FMN2: variants seen among roughly 807,000 people sequenced by gnomAD.
FMN2 encodes formin-2.
In FMN2, 51 loss-of-function variants were observed where a neutral mutation model predicts 142.3. The ratio of observed to expected loss-of-function variants is 0.36; its 90% confidence interval spans 0.29 to 0.45. The LOEUF is 0.45. Ranked by LOEUF, FMN2 falls within the 20% of genes least tolerant of loss-of-function variation. The pLI is 1.00. For missense variants in FMN2, 1,936 were observed against 2,122.8 expected (o/e 0.91, Z 1.73); for synonymous variants, 882 against 869.8 (o/e 1.01, Z -0.25).
chr1:240,095,207 TTATC>T (rs1318889848), intron 1 of FMN2, among the ~76,000 whole-genome samples: 6 of 152,182 alleles, frequency 3.9e-5, no homozygotes, highest in South Asian at 2.1e-4. Flanking sequence ...TATTTTCTCT[TTATC>T]TAAGTGACAT....
chr1:240,304,312 C>T (rs542682271), intron 8 of FMN2, among the ~76,000 whole-genome samples: 8 of 152,100 alleles, frequency 5.3e-5, no homozygotes, highest in South Asian at 2.1e-4. Flanking sequence ...TCACATTCTC[C>T]CTCTTCCCAA....
At chr1:240,223,682 G>T (rs374357368) in intron 6 of FMN2, among the ~76,000 whole-genome samples, 1 of 152,088 alleles carries the variant, frequency 6.6e-6, no homozygotes, top group Non-Finnish European at 1.5e-5. Context: ...GGTTTATTCA[G>T]GGATATGACT....
intron 14 of FMN2, among the ~76,000 whole-genome samples, chr1:240,382,181 A>G (rs1487326307): frequency 6.6e-6 from 1 of 152,224 alleles, no homozygotes; most frequent in Non-Finnish European, 1.5e-5. Flanking sequence ...TACACGATTA[A>G]CATTCAAACT....
chr1:240,437,600 C>G (rs1249556715), intron 15 of FMN2, among the ~76,000 whole-genome samples: 1 of 152,160 alleles, frequency 6.6e-6, no homozygotes, highest in Non-Finnish European at 1.5e-5. Context: ...CCGCGCCGGG[C>G]TGGGACTCTT....
At chr1:240,460,245 T>G (rs1250773978) in intron 16 of FMN2, among the ~76,000 whole-genome samples, 1 of 152,254 alleles carries the variant, frequency 6.6e-6, no homozygotes, top group Non-Finnish European at 1.5e-5. Context: ...ACTTCTCTAG[T>G]TCTCTTTTAA....
At chr1:240,215,224 G>T (rs981430383) in intron 6 of FMN2, among the ~76,000 whole-genome samples, 40 of 152,172 alleles carry the variant, frequency 2.6e-4, no homozygotes, top group Non-Finnish European at 4.1e-4. Context: ...AGTAGTAATA[G>T]TAGTAATTAT....
At chr1:240,171,407 T>G in intron 2 of FMN2, 1 of 500,248 alleles carries the variant, frequency 2.0e-6, no homozygotes, top group Non-Finnish European at 3.7e-6. Flanking sequence ...TGGTGTGATG[T>G]GCGTCATTCA....
At chr1:240,285,753 A>G (rs1669568246) in intron 7 of FMN2, among the ~76,000 whole-genome samples, 1 of 152,188 alleles carries the variant, frequency 6.6e-6, no homozygotes, top group Admixed American at 6.5e-5. Flanking sequence ...TGGATTTCAC[A>G]AGATCTAAAA....
At chr1:240,117,955 AAGGGTATT>A (rs1373025529) in intron 1 of FMN2, among the ~76,000 whole-genome samples, 2 of 152,160 alleles carry the variant, frequency 1.3e-5, no homozygotes, top group African/African-American at 2.4e-5. Context: ...CTCCTTCAGA[AAGGGTATT>A]AGGAAGTTCT....
intron 7 of FMN2, among the ~76,000 whole-genome samples, chr1:240,276,620 G>GGT (rs1440887132): frequency 6.6e-6 from 1 of 151,972 alleles, no homozygotes; most frequent in African/African-American, 2.4e-5. Context: ...TATCTATTGG[G>GGT]GTGTGTGTCA....
At chr1:240,378,206 A>G (rs1236273227) in intron 14 of FMN2, among the ~76,000 whole-genome samples, 1 of 151,818 alleles carries the variant, frequency 6.6e-6, no homozygotes, top group Admixed American at 6.6e-5. Context: ...GCTAGAGTAC[A>G]ATGGCATGAT....
intron 15 of FMN2, among the ~76,000 whole-genome samples, chr1:240,395,042 A>T (rs538244683): frequency 1.3e-5 from 2 of 152,178 alleles, no homozygotes; most frequent in African/African-American, 2.4e-5. Context: ...TTAGGGGATA[A>T]TGCAGCTGGT....
At chr1:240,113,570 A>AT (rs1661902378) in intron 1 of FMN2, among the ~76,000 whole-genome samples, 1 of 151,432 alleles carries the variant, frequency 6.6e-6, no homozygotes, top group Non-Finnish European at 1.5e-5. Flanking sequence ...AAAAAAAAAA[A>AT]AAAAAAAAAT....
At chr1:240,434,856 GT>G (rs58393858) in intron 15 of FMN2, among the ~76,000 whole-genome samples, 25 of 144,914 alleles carry the variant, frequency 1.7e-4, no homozygotes, top group East Asian at 6.1e-4. Flanking sequence ...CAGGCTGCTT[GT>G]TTTTTTTTTT....
intron 15 of FMN2, among the ~76,000 whole-genome samples, chr1:240,413,721 C>T (rs1674490303): frequency 6.6e-6 from 1 of 152,302 alleles, no homozygotes; most frequent in Middle Eastern, 3.4e-3. Context: ...CATGTTTGGA[C>T]ATCATAGGAG....
intron 14 of FMN2, among the ~76,000 whole-genome samples, chr1:240,384,585 G>C (rs1041717268): frequency 1.3e-5 from 2 of 151,852 alleles, no homozygotes; most frequent in African/African-American, 4.8e-5. Context: ...ACTAAGACTT[G>C]TTCATCATTT....
At chr1:240,303,214 G>T (rs566366168) in intron 8 of FMN2, among the ~76,000 whole-genome samples, 22 of 152,276 alleles carry the variant, frequency 1.4e-4, no homozygotes, top group African/African-American at 5.3e-4. Context: ...TCAAGTGAGA[G>T]AGACTGATTA....
At chr1:240,145,177 C>G (rs1022783291) in intron 2 of FMN2, 54 of 1,452,912 alleles carry the variant, frequency 3.7e-5, no homozygotes, top group Non-Finnish European at 4.7e-5. Flanking sequence ...GGGATGTGTC[C>G]TTCTCCCCGA....
intron 6 of FMN2, among the ~76,000 whole-genome samples, chr1:240,215,362 G>C (rs1666856462): frequency 6.6e-6 from 1 of 152,120 alleles, no homozygotes; most frequent in Non-Finnish European, 1.5e-5. Context: ...GGCACCGTTA[G>C]CCTCAGTTCA....
Sources: allele counts gnomAD v4.1 joint callset (sites outside exome capture counted in the v4.1 genomes callset), GRCh38; gene constraint gnomAD v4.1.1; transcripts MANE v1.5; gene names NCBI Gene and HGNC (gene_info 2026-07-23, HGNC 2026-07-21).